The following CCDC32 variants were observed in gnomAD, a reference collection of about 807,000 sequenced individuals.
The protein encoded by CCDC32 is coiled-coil domain-containing protein 32.
A neutral mutation model predicts 20.1 loss-of-function variants in CCDC32; 9 were observed. That is an observed-to-expected ratio of 0.45 (90% confidence interval 0.27 to 0.78). The LOEUF (loss-of-function observed/expected upper bound fraction) is 0.78, where lower values mean the gene tolerates loss of function less well. Ranked by LOEUF, CCDC32 falls within the 30% of genes least tolerant of loss-of-function variation. The probability of loss-of-function intolerance (pLI) is 0.16; values close to 1 mark genes in which losing one functional copy is unlikely to be tolerated. For missense variants in CCDC32, 204 were observed against 215.5 expected (o/e 0.95, Z 0.33); for synonymous variants, 63 against 79.0 (o/e 0.80, Z 1.07).
intron 3 of CCDC32, among the ~76,000 whole-genome samples, chr15:40,547,602 A>G (rs1029161093): frequency 1.3e-5 from 2 of 152,120 alleles, no homozygotes; most frequent in African/African-American, 2.4e-5. Context: ...CCCAGGAGCA[A>G]TGGGTCTTTG....
At chr15:40,554,239 T>C in intron 3 of CCDC32, 112 bp from the exon 4 acceptor site, 2 of 1,420,074 alleles carry the variant, frequency 1.4e-6, no homozygotes, top group Non-Finnish European at 9.4e-7. Flanking sequence ...AATTTCTTCC[T>C]ACAATTGTTT....
At chr15:40,539,295 G>T in exon 4 of CCDC32, 1 of 1,535,628 alleles carries the variant, frequency 6.5e-7, no homozygotes, top group Non-Finnish European at 8.7e-7. Flanking sequence ...CACACTGGTG[G>T]CTGTCCCACG....
chr15:40,535,467 A>G, downstream of CCDC32: 20 of 988,862 alleles, frequency 2.0e-5, no homozygotes, highest in Non-Finnish European at 2.4e-5. Flanking sequence ...TTACAAATTT[A>G]TATTTTGAAG....
At chr15:40,538,713 A>G (rs1259986204), downstream of CCDC32, 1 of 152,408 alleles carries the variant, frequency 6.6e-6, no homozygotes, top group African/African-American at 2.4e-5. Flanking sequence ...CAGAGGGAGG[A>G]TTGGAAAGCC....
chr15:40,528,628 G>T (rs1894930007), downstream of CCDC32: 6 of 631,250 alleles, frequency 9.5e-6, no homozygotes, highest in East Asian at 5.4e-5. Context: ...AATGCAGAAG[G>T]CCTGAGGAGA....
At chr15:40,564,795 G>A (rs899144685) in intron 1 of CCDC32, 181 bp downstream of exon 1, 7 of 1,613,970 alleles carry the variant, frequency 4.3e-6, no homozygotes, top group Admixed American at 3.3e-5. Context: ...CCTTACCCCA[G>A]GGCAGGGCGT....
intron 3 of CCDC32, among the ~76,000 whole-genome samples, chr15:40,539,880 A>ACACACACACACACACACACACACC (rs769226221): frequency 1.2e-4 from 17 of 139,138 alleles, no homozygotes; most frequent in Admixed American, 5.0e-4. Context: ...ACACACACAC[A>ACACACACACACACACACACACACC]CCCCGCTCCT....
chr15:40,564,019 C>G (rs967714999), intron 1 of CCDC32, among the ~76,000 whole-genome samples: 4 of 152,030 alleles, frequency 2.6e-5, no homozygotes, highest in African/African-American at 9.7e-5. Flanking sequence ...GACGGGGTTT[C>G]ACCGTTTAGC....
At chr15:40,526,223 G>T (rs1156978784), downstream of CCDC32, among the ~76,000 whole-genome samples, 1 of 152,126 alleles carries the variant, frequency 6.6e-6, no homozygotes, top group African/African-American at 2.4e-5. Context: ...GAAAATATGT[G>T]GGCTTGTTTG....
chr15:40,534,308 C>A (rs1226900467), downstream of CCDC32: 1 of 152,738 alleles, frequency 6.5e-6, no homozygotes, highest in Non-Finnish European at 1.5e-5. Flanking sequence ...AATCCATTCT[C>A]ACACTGCTAT....
At chr15:40,552,907 A>T (rs1306702366), downstream of CCDC32, 2 of 152,362 alleles carry the variant, frequency 1.3e-5, no homozygotes, top group Non-Finnish European at 2.9e-5. Flanking sequence ...GTAAACTATT[A>T]CCCAGGAAGA....
downstream of CCDC32, among the ~76,000 whole-genome samples, chr15:40,549,969 C>A (rs960206187): frequency 1.3e-5 from 2 of 152,212 alleles, no homozygotes; most frequent in Non-Finnish European, 2.9e-5. Flanking sequence ...GAAGGGTGCA[C>A]CTCGGCCACA....
the CCDC32 span, among the ~76,000 whole-genome samples, chr15:40,523,409 C>G: frequency 6.7e-6 from 1 of 150,258 alleles, no homozygotes; most frequent in Non-Finnish European, 1.5e-5. Flanking sequence ...GAGGCTGAGG[C>G]AGGAGAATTG....
chr15:40,533,565 C>T (rs1264528448), downstream of CCDC32, among the ~76,000 whole-genome samples: 1 of 151,852 alleles, frequency 6.6e-6, no homozygotes, highest in Non-Finnish European at 1.5e-5. Context: ...AAGCTGGTCT[C>T]GAACTGCTGA....
intron 2 of CCDC32, 41 bp from the exon 3 acceptor site, chr15:40,557,413 A>T (rs781460371): frequency 2.6e-6 from 4 of 1,549,330 alleles, no homozygotes; most frequent in Non-Finnish European, 2.6e-6. Context: ...AATGAGCATG[A>T]CATGAAATTT....
intron 3 of CCDC32, among the ~76,000 whole-genome samples, chr15:40,541,121 C>T (rs1376016560): frequency 6.6e-6 from 1 of 152,206 alleles, no homozygotes; most frequent in African/African-American, 2.4e-5. Context: ...TTTCTGTGAC[C>T]AGCCGCAGCT....
intron 2 of CCDC32, among the ~76,000 whole-genome samples, chr15:40,559,790 G>A (rs1890496076): frequency 6.6e-6 from 1 of 151,980 alleles, no homozygotes; most frequent in South Asian, 2.1e-4. Flanking sequence ...TTATTCCCAG[G>A]TTTGTAGCTG....
At chr15:40,564,777 G>A in intron 1 of CCDC32, 199 bp downstream of exon 1, 1 of 1,614,142 alleles carries the variant, frequency 6.2e-7, no homozygotes, top group Non-Finnish European at 8.5e-7. Context: ...CCAGAGCCCC[G>A]CATGGCCCCT....
intron 2 of CCDC32, among the ~76,000 whole-genome samples, chr15:40,560,263 C>T (rs1302813756): frequency 6.6e-6 from 1 of 152,212 alleles, no homozygotes; most frequent in Non-Finnish European, 1.5e-5. Context: ...CTGCCTCGGT[C>T]TCCCAAAGTG....
Sources: gnomAD v4.1 joint callset for allele counts (sites outside exome capture counted in the v4.1 genomes callset) on GRCh38, gnomAD v4.1.1 for gene constraint, MANE v1.5 for transcripts, NCBI Gene and HGNC (gene_info 2026-07-23, HGNC 2026-07-21) for gene names.